Variants in COP1 observed in about 807,000 individuals in gnomAD.
COP1 encodes E3 ubiquitin-protein ligase COP1.
A neutral mutation model predicts 101.3 loss-of-function variants in COP1; 24 were observed. The observed-to-expected ratio is 0.24, with a 90% confidence interval of 0.17 to 0.33. COP1 has a LOEUF of 0.33. Ranked by LOEUF, COP1 falls within the 10% of genes least tolerant of loss-of-function variation. The probability of loss-of-function intolerance (pLI) is 1.00; values close to 1 mark genes in which losing one functional copy is unlikely to be tolerated. For synonymous variants in COP1, 347 were observed against 341.9 expected (o/e 1.01, Z -0.17); for missense variants, 663 against 906.2 (o/e 0.73, Z 3.45).
intron 18 of COP1, among the ~76,000 whole-genome samples, chr1:175,974,515 C>A (rs988060089): frequency 6.6e-6 from 1 of 151,976 alleles, no homozygotes; most frequent in Non-Finnish European, 1.5e-5. Context: ...GACTCAGGTA[C>A]GACACTCAGT....
rs537625746 is a variant in COP1, at chr1:176,070,711, G to A, written c.1277+10441C>T. Among the ~76,000 whole-genome samples the A allele has an allele frequency of 3.9e-5, 6 of 152,230 alleles. No individual in the cohort carries two copies. In the South Asian group the frequency reaches 1.2e-3, roughly 32 times the overall value. On this transcript the variant is annotated intron_variant, in intron 11 of 19. Coordinates refer to ENST00000367669, the MANE Select transcript of COP1 (RefSeq NM_022457.7). The stretch of plus-strand genomic sequence containing the variant: ...CTGTCATCCAGACTGGAGTGTAGTA[G>A]TGCCATCATAGCTCACTGTAACCTT...
At chr1:176,045,786 A>G (rs1471172987) in intron 12 of COP1, among the ~76,000 whole-genome samples, 1 of 152,058 alleles carries the variant, frequency 6.6e-6, no homozygotes, top group Non-Finnish European at 1.5e-5. Flanking sequence ...AAAAATTCTT[A>G]AAACTAGAAA....
chr1:176,194,067 T>C (rs1354702733), intron 1 of COP1, among the ~76,000 whole-genome samples: 2 of 152,130 alleles, frequency 1.3e-5, no homozygotes, highest in African/African-American at 4.8e-5. Flanking sequence ...ATATGAAATA[T>C]TTGAAGGTAG....
chr1:176,155,083 GACA>G (rs773959660), intron 5 of COP1, among the ~76,000 whole-genome samples: 2 of 152,038 alleles, frequency 1.3e-5, no homozygotes, highest in South Asian at 4.1e-4. Context: ...TGGCATCACA[GACA>G]ACACTTTCAC....
intron 3 of COP1, among the ~76,000 whole-genome samples, chr1:176,166,870 G>A (rs776298190): frequency 3.3e-5 from 5 of 152,134 alleles, no homozygotes; most frequent in African/African-American, 7.2e-5. Context: ...TCAGGAGTTC[G>A]AGGCTGCAGT....
intron 18 of COP1, chr1:175,968,592 C>A (rs1388320427): frequency 2.6e-5 from 12 of 456,190 alleles, no homozygotes; most frequent in Non-Finnish European, 3.9e-5. Flanking sequence ...CTTTTATATT[C>A]CAATTAACTA....
At chr1:175,951,569 G>A (rs1649925203) in intron 18 of COP1, among the ~76,000 whole-genome samples, 1 of 151,274 alleles carries the variant, frequency 6.6e-6, no homozygotes, top group Non-Finnish European at 1.5e-5. Flanking sequence ...TGGACCACAG[G>A]CAGTACAGGA....
intron 5 of COP1, among the ~76,000 whole-genome samples, chr1:176,159,645 C>T (rs1164020107): frequency 6.6e-6 from 1 of 152,168 alleles, no homozygotes; most frequent in Non-Finnish European, 1.5e-5. Context: ...CAAATCTACA[C>T]TTATCAATAT....
chr1:176,160,319 G>C (rs189470441), intron 5 of COP1: 1 of 353,230 alleles, frequency 2.8e-6, no homozygotes, highest in Non-Finnish European at 5.4e-6. Flanking sequence ...AGAATGTGTA[G>C]GTTTGTTACC....
chr1:175,965,334 T>A (rs1055488996), intron 18 of COP1, among the ~76,000 whole-genome samples: 5 of 152,172 alleles, frequency 3.3e-5, no homozygotes, highest in Admixed American at 3.3e-4. Context: ...AATACAGATA[T>A]AAGATATAGG....
intron 8 of COP1, among the ~76,000 whole-genome samples, chr1:176,127,071 A>G (rs964199627): frequency 8.5e-5 from 13 of 152,124 alleles, no homozygotes; most frequent in African/African-American, 2.7e-4. Context: ...AGCGCCTAAC[A>G]GTGTTTTTTA....
At chr1:176,191,306 G>A (rs1699095349) in intron 1 of COP1, among the ~76,000 whole-genome samples, 1 of 151,888 alleles carries the variant, frequency 6.6e-6, no homozygotes, top group African/African-American at 2.4e-5. Context: ...GCATCATTGT[G>A]ATTATGAAAA....
chr1:176,081,603 C>T (rs1482414175), intron 10 of COP1, among the ~76,000 whole-genome samples: 22 of 151,860 alleles, frequency 1.4e-4, no homozygotes, highest in Admixed American at 1.4e-3. Flanking sequence ...AAAAATCCAT[C>T]AATGGAGAAT....
intron 8 of COP1, among the ~76,000 whole-genome samples, chr1:176,117,574 G>A (rs1249117178): frequency 2.0e-5 from 3 of 152,054 alleles, no homozygotes; most frequent in African/African-American, 4.8e-5. Context: ...TTTACTTTTT[G>A]TAAATTCTTC....
chr1:176,049,453 G>A (rs1422480785), intron 11 of COP1, among the ~76,000 whole-genome samples: 3 of 151,268 alleles, frequency 2.0e-5, no homozygotes, highest in Non-Finnish European at 4.4e-5. Context: ...ATATTTTGGG[G>A]GTAACAAGAT....
At chr1:176,083,889 T>A (rs770271346) in intron 10 of COP1, among the ~76,000 whole-genome samples, 2 of 152,184 alleles carry the variant, frequency 1.3e-5, no homozygotes, top group Non-Finnish European at 2.9e-5. Context: ...ACTAGAGACA[T>A]GTTTTACGTA....
chr1:176,180,971 G>A (rs1473870983), intron 2 of COP1, among the ~76,000 whole-genome samples: 2 of 152,168 alleles, frequency 1.3e-5, no homozygotes, highest in Admixed American at 1.3e-4. Context: ...AAGCGAAATA[G>A]TAAATCAGGG....
intron 8 of COP1, among the ~76,000 whole-genome samples, chr1:176,119,460 T>A (rs936110119): frequency 6.6e-6 from 1 of 152,186 alleles, no homozygotes; most frequent in Non-Finnish European, 1.5e-5. Flanking sequence ...TACTCATCAG[T>A]TTGTTGAAGA....
At chr1:176,173,385 C>T (rs577562041) in intron 3 of COP1, among the ~76,000 whole-genome samples, 16 of 149,340 alleles carry the variant, frequency 1.1e-4, no homozygotes, top group East Asian at 4.0e-4. Context: ...TCTGTAATCC[C>T]GACACTTTAA....
Sources: gnomAD v4.1 joint callset for allele counts (sites outside exome capture counted in the v4.1 genomes callset) on GRCh38, gnomAD v4.1.1 for gene constraint, MANE v1.5 for transcripts, NCBI Gene and HGNC (gene_info 2026-07-23, HGNC 2026-07-21) for gene names.